Variants in PACC1 observed in about 807,000 individuals in gnomAD.
PACC1 encodes proton activated chloride channel 1.
PACC1 carries 34 observed loss-of-function variants against 39.7 expected under a neutral mutation model. That is an observed-to-expected ratio of 0.86 (90% CI 0.65 to 1.14). PACC1 has a LOEUF of 1.14. Among genes scored for constraint, PACC1 ranks in the 50% most tolerant of loss-of-function variants. The probability of loss-of-function intolerance (pLI) is 0.00; values close to 1 mark genes in which losing one functional copy is unlikely to be tolerated. For missense variants in PACC1, 379 were observed against 436.4 expected (o/e 0.87, Z 1.17); for synonymous variants, 127 against 160.6 (o/e 0.79, Z 1.58).
intron 4 of PACC1, among the ~76,000 whole-genome samples, chr1:212,381,770 GACACACACACACAC>G (rs10529310): frequency 8.5e-6 from 1 of 118,080 alleles, no homozygotes; most frequent in East Asian, 2.4e-4. Context: ...ACAGCACAGT[GACACACACACACAC>G]ACACACACAC....
At chr1:212,367,392 A>G (rs912679828) in intron 7 of PACC1, among the ~76,000 whole-genome samples, 34 of 152,086 alleles carry the variant, frequency 2.2e-4, no homozygotes, top group African/African-American at 8.2e-4. Flanking sequence ...CTTGCATTGG[A>G]ACTTCACAAG....
chr1:212,385,600 C>A (rs188520402), intron 3 of PACC1, among the ~76,000 whole-genome samples, 175 bp from the exon 4 acceptor site: 2 of 152,120 alleles, frequency 1.3e-5, no homozygotes, highest in African/African-American at 4.8e-5. Context: ...TCAGAAAGCC[C>A]CGCTGTAGCA....
intron 1 of PACC1, among the ~76,000 whole-genome samples, chr1:212,412,773 G>A (rs565539561): frequency 6.6e-6 from 1 of 152,272 alleles, no homozygotes; most frequent in African/African-American, 2.4e-5. Flanking sequence ...GCTAAGCCAG[G>A]ACCCCAAAGC....
intron 1 of PACC1, among the ~76,000 whole-genome samples, chr1:212,412,793 G>T (rs1254189432): frequency 6.6e-6 from 1 of 152,214 alleles, no homozygotes; most frequent in African/African-American, 2.4e-5. Flanking sequence ...CATCCTGGAC[G>T]CAGGAGCTGC....
chr1:212,374,937 C>T (rs958233459), intron 7 of PACC1, among the ~76,000 whole-genome samples: 2 of 152,096 alleles, frequency 1.3e-5, no homozygotes, highest in African/African-American at 2.4e-5. Flanking sequence ...TGAAAGTCCC[C>T]CTCCTTTACA....
intron 4 of PACC1, among the ~76,000 whole-genome samples, chr1:212,384,171 T>C (rs144762973): frequency 6.6e-6 from 1 of 152,330 alleles, no homozygotes; most frequent in African/African-American, 2.4e-5. Context: ...TCAAAATGTC[T>C]GGTCCACTGG....
rs767266989 is a variant in PACC1 at position 212,381,694 on chromosome 1, TGCAC to T, written c.496-1661_496-1658del. On this transcript the variant is annotated intron_variant, in intron 4 of 7. Transcript: ENST00000261455. The stretch of plus-strand genomic sequence containing the variant: ...TGTGCACAGACACACACACACACAC[TGCAC>T]ACACACACACACACACACACACACA... Among the ~76,000 whole-genome samples the T allele has an allele frequency of 1.1e-4, 9 of 78,578 alleles. No homozygotes were observed. In the South Asian group the frequency reaches 1.5e-3, roughly 14 times the overall value. 51.6% of individuals were successfully genotyped at this position (78,578 alleles called of 152,430 possible). A position where few individuals can be genotyped will look rare whatever the true frequency, so the allele number is the denominator to read the frequency against.
intron 2 of PACC1, among the ~76,000 whole-genome samples, chr1:212,390,689 T>A (rs1311237628): frequency 6.6e-6 from 1 of 152,154 alleles, no homozygotes; most frequent in South Asian, 2.1e-4. Context: ...TTCCCTTTCA[T>A]AGCCAAGCAA....
At position 212,403,502 on chromosome 1, in the gene PACC1, C is replaced by T. The variant is rs1179169048; in HGVS notation, c.133+6923G>A. Among the ~76,000 whole-genome samples the T allele has an allele frequency of 2.0e-5, 3 of 152,350 alleles. No homozygotes were observed. In the East Asian group the frequency reaches 5.8e-4, roughly 29 times the overall value. On this transcript the variant is annotated intron_variant, in intron 2 of 7. Coordinates refer to ENST00000261455, the MANE Select transcript of PACC1 (RefSeq NM_018252.3). Reference sequence around the variant, plus strand: ...AGCCCTCCCTTCTCTCCTGTCCATCCTGTAACTGTCACTGCCTCTGGGCCA... The same window carrying T: ...AGCCCTCCCTTCTCTCCTGTCCATCTTGTAACTGTCACTGCCTCTGGGCCA...
At position 212,412,577 on chromosome 1, in the gene PACC1, C is replaced by A. The variant is rs1305333785; in HGVS notation, c.37-2056G>T. 2.0e-5 allele frequency among the ~76,000 whole-genome samples: 3 copies of A among 152,242 alleles called. No individual in the cohort carries two copies. The East Asian group carries it at 5.8e-4, about 29-fold the overall frequency. The stretch of plus-strand genomic sequence containing the variant: ...GAAGTGAGAGACAGGGACTCCAGAA[C>A]AGGCCTCTGAAGAAGGCAAGGGGAG... On this transcript the variant is annotated intron_variant, in intron 1 of 7. Transcript: ENST00000261455.
At chr1:212,365,417 T>A (rs371580121) in intron 7 of PACC1, 41 bp from the exon 8 acceptor site, 47 of 1,504,016 alleles carry the variant, frequency 3.1e-5, no homozygotes, top group Non-Finnish European at 3.6e-6. Context: ...CTGGTTTGCT[T>A]CAGTCTTGAT....
intron 2 of PACC1, among the ~76,000 whole-genome samples, chr1:212,395,972 C>T (rs1358359978): frequency 6.6e-6 from 1 of 152,202 alleles, no homozygotes; most frequent in Non-Finnish European, 1.5e-5. Context: ...AATAGGAACA[C>T]TTTTACACTG....
At chr1:212,384,850 A>C (rs542284293) in intron 4 of PACC1, among the ~76,000 whole-genome samples, 1 of 152,326 alleles carries the variant, frequency 6.6e-6, no homozygotes, top group Middle Eastern at 3.4e-3. Context: ...CAAACTATGG[A>C]TTCTCAGGCC....
At chr1:212,398,791 CT>C (rs1298534184) in intron 2 of PACC1, among the ~76,000 whole-genome samples, 2 of 152,254 alleles carry the variant, frequency 1.3e-5, no homozygotes, top group African/African-American at 4.8e-5. Context: ...CCCTGCTCCA[CT>C]TTACTAAGTC....
intron 5 of PACC1, among the ~76,000 whole-genome samples, chr1:212,378,244 T>A (rs192091625): frequency 1.3e-3 from 193 of 151,918 alleles, no homozygotes; most frequent in African/African-American, 4.3e-3. Flanking sequence ...AAAGCGAACA[T>A]AAAAACAAGT....
rs1450690461 is a variant in PACC1 at position 212,386,296 on chromosome 1, T to G, written c.343+595A>C. Among the ~76,000 whole-genome samples, 1 of 152,122 alleles carries G rather than the reference T, an allele frequency of 6.6e-6. No individual in the cohort carries two copies. The highest frequency in any genetic ancestry group is 1.5e-5 in the Non-Finnish European group (1 of 68,018). On this transcript the variant is annotated intron_variant, in intron 3 of 7. Transcript: ENST00000261455. The surrounding 1 kb of genome is among the most constrained non-coding windows in gnomAD (Gnocchi z 5.0). The stretch of plus-strand genomic sequence containing the variant: ...ACTCTACAGCCCCTAGAACATCCAG[T>G]GCCAGCCCTGCAGCCCAGAGCAGAT...
At chr1:212,391,150 G>C (rs886980208) in intron 2 of PACC1, among the ~76,000 whole-genome samples, 31 of 152,308 alleles carry the variant, frequency 2.0e-4, no homozygotes, top group Admixed American at 4.6e-4. Context: ...CTCCTCAAGT[G>C]GGTCCCTGAA....
intron 6 of PACC1, 123 bp downstream of exon 6, chr1:212,377,439 G>T: frequency 7.4e-7 from 1 of 1,353,412 alleles, no homozygotes; most frequent in Non-Finnish European, 1.0e-6. Context: ...TTCTCATCCT[G>T]ACCAAGGCCT....
rs113332920 is a variant in PACC1, at chr1:212,387,093, G to C, written c.141C>G (p.Asp47Glu). 1.2e-6 allele frequency: 2 copies of C among 1,613,606 alleles called. No individual in the cohort carries two copies. Among genetic ancestry groups the C allele is most frequent in the African/African-American group, 2.7e-5 (2 of 74,910 alleles). Residue 47 changes from aspartate to glutamate, a missense_variant, in exon 3 of 8, where the codon GAC becomes GAG. Coordinates refer to ENST00000261455, the MANE Select transcript of PACC1 (RefSeq NM_018252.3). ...VQGPGILPGL[D>E]SESASSSIRF... ...GGATGCTGCTGGAGGCGGACTCGCTGTCCAGGCCTGACAACAACAAAACAC... is the reference window on the plus strand; with the variant it reads ...GGATGCTGCTGGAGGCGGACTCGCTCTCCAGGCCTGACAACAACAAAACAC...
Sources: gnomAD v4.1 joint callset for allele counts (sites outside exome capture counted in the v4.1 genomes callset) on GRCh38, gnomAD v4.1.1 for gene constraint, Gnocchi (gnomAD v3.1) non-coding constraint, MANE v1.5 for transcripts, NCBI Gene and HGNC (gene_info 2026-07-23, HGNC 2026-07-21) for gene names.